The following FHIT variants were observed in gnomAD, a reference collection of about 807,000 sequenced individuals.
The protein encoded by FHIT is fragile histidine triad diadenosine triphosphatase.
FHIT carries 19 observed loss-of-function variants against 17.9 expected under a neutral mutation model. The ratio of observed to expected loss-of-function variants is 1.06; its 90% CI spans 0.74 to 1.56. The LOEUF (loss-of-function observed/expected upper bound fraction) is 1.56, where lower values mean the gene tolerates loss of function less well. FHIT is among the 40% of genes most tolerant of loss of function. The pLI is 0.00. For missense variants in FHIT, 248 were observed against 189.2 expected (o/e 1.31, Z -1.82); for synonymous variants, 81 against 69.7 (o/e 1.16, Z -0.81).
intron 5 of FHIT, among the ~76,000 whole-genome samples, chr3:60,014,875 G>T (rs190198016): frequency 6.6e-6 from 1 of 152,052 alleles, no homozygotes; most frequent in Admixed American, 6.6e-5. Context: ...ACAAGGCAAC[G>T]TATTTACACT....
At chr3:61,011,960 G>C (rs538594986) in intron 3 of FHIT, among the ~76,000 whole-genome samples, 3 of 152,292 alleles carry the variant, frequency 2.0e-5, no homozygotes, top group Non-Finnish European at 4.4e-5. Flanking sequence ...CAAGTTGAAA[G>C]AAAGTAGGCC....
intron 2 of FHIT, among the ~76,000 whole-genome samples, chr3:61,061,396 A>C (rs7651100): frequency 0.18 from 26,791 of 151,916 alleles, 2,680 homozygotes; most frequent in Middle Eastern, 0.34. Flanking sequence ...TCACTTTTTA[A>C]ATATATATAT....
chr3:60,695,816 T>G (rs2041101687), intron 4 of FHIT, among the ~76,000 whole-genome samples: 1 of 152,176 alleles, frequency 6.6e-6, no homozygotes, highest in African/African-American at 2.4e-5. Context: ...TTCCCTCACC[T>G]ACAAAATGGA....
At chr3:61,092,837 G>A (rs1257658430) in intron 2 of FHIT, among the ~76,000 whole-genome samples, 6 of 152,216 alleles carry the variant, frequency 3.9e-5, no homozygotes, top group Admixed American at 2.0e-4. Flanking sequence ...AAGCAAGAAT[G>A]TAAGAATAAT....
intron 5 of FHIT, among the ~76,000 whole-genome samples, chr3:60,453,356 T>G (rs1033254319): frequency 3.3e-5 from 5 of 152,176 alleles, no homozygotes; most frequent in Non-Finnish European, 7.4e-5. Context: ...TCTTCACTTT[T>G]AAGCTCTTAA....
At chr3:61,069,891 T>C (rs2034743994) in intron 2 of FHIT, among the ~76,000 whole-genome samples, 2 of 152,142 alleles carry the variant, frequency 1.3e-5, no homozygotes, top group Admixed American at 6.6e-5. Context: ...ATAAGCAGGA[T>C]GGGGAACCAC....
chr3:60,355,891 G>A (rs762552812), intron 5 of FHIT, among the ~76,000 whole-genome samples: 2 of 152,036 alleles, frequency 1.3e-5, no homozygotes, highest in African/African-American at 4.8e-5. Flanking sequence ...AGTGAAAATT[G>A]TTCCTTATCT....
chr3:59,921,633 T>C (rs1377834415), intron 8 of FHIT, among the ~76,000 whole-genome samples: 1 of 146,212 alleles, frequency 6.8e-6, no homozygotes, highest in East Asian at 2.0e-4. Flanking sequence ...CCTCTTTGGC[T>C]ACAATAAACA....
intron 8 of FHIT, among the ~76,000 whole-genome samples, chr3:59,802,439 AAAG>A (rs1700033910): frequency 6.6e-6 from 1 of 152,148 alleles, no homozygotes; most frequent in Non-Finnish European, 1.5e-5. Flanking sequence ...AAGAATCACA[AAAG>A]AAGTGAAAAT....
At chr3:60,390,406 A>C (rs368240704) in intron 5 of FHIT, among the ~76,000 whole-genome samples, 14,529 of 114,186 alleles carry the variant, frequency 0.13, 1,355 homozygotes, top group East Asian at 0.22. Flanking sequence ...TAAAAAAAAA[A>C]AAAAAAAAAA....
chr3:59,865,271 T>G (rs1020030135), intron 8 of FHIT, among the ~76,000 whole-genome samples: 2 of 150,430 alleles, frequency 1.3e-5, no homozygotes, highest in Non-Finnish European at 3.0e-5. Context: ...AATACCAGTC[T>G]TTTAAACCAT....
At chr3:60,137,197 G>A (rs1699851449) in intron 5 of FHIT, among the ~76,000 whole-genome samples, 2 of 152,144 alleles carry the variant, frequency 1.3e-5, no homozygotes, top group Non-Finnish European at 2.9e-5. Context: ...CCTCCCTAGA[G>A]CGGAATGGTT....
intron 5 of FHIT, among the ~76,000 whole-genome samples, chr3:60,236,751 A>G (rs898094791): frequency 3.3e-5 from 5 of 152,138 alleles, no homozygotes; most frequent in African/African-American, 1.2e-4. Context: ...TCTCACTGTA[A>G]AAAATTCAAA....
intron 5 of FHIT, among the ~76,000 whole-genome samples, chr3:60,212,707 G>C (rs1874500): frequency 0.23 from 34,572 of 151,996 alleles, 5,016 homozygotes; most frequent in African/African-American, 0.41. Context: ...TGGTTTGCAA[G>C]GCATATGAAA....
chr3:59,895,807 C>T (rs989106753), intron 8 of FHIT, among the ~76,000 whole-genome samples: 2 of 152,220 alleles, frequency 1.3e-5, no homozygotes, highest in Admixed American at 6.5e-5. Flanking sequence ...GTGTTTAAAA[C>T]TTGCTAACAT....
At chr3:59,890,575 C>G (rs1429912557) in intron 8 of FHIT, among the ~76,000 whole-genome samples, 1 of 152,122 alleles carries the variant, frequency 6.6e-6, no homozygotes, top group Non-Finnish European at 1.5e-5. Context: ...AAATGGGAAC[C>G]CGCTTAACTA....
chr3:60,212,818 A>C (rs959772365), intron 5 of FHIT, among the ~76,000 whole-genome samples: 1 of 152,192 alleles, frequency 6.6e-6, no homozygotes, highest in Non-Finnish European at 1.5e-5. Flanking sequence ...TAGACAAAGA[A>C]AAAGGACATG....
At chr3:61,159,632 C>T (rs2037630740) in intron 2 of FHIT, among the ~76,000 whole-genome samples, 1 of 152,186 alleles carries the variant, frequency 6.6e-6, no homozygotes, top group Non-Finnish European at 1.5e-5. Flanking sequence ...TAAATGTTTA[C>T]TTTGCTAATT....
chr3:59,847,400 A>T (rs771574589), intron 8 of FHIT, among the ~76,000 whole-genome samples: 7 of 151,846 alleles, frequency 4.6e-5, no homozygotes, highest in Admixed American at 3.9e-4. Flanking sequence ...CAGTCATTAT[A>T]TTTTTCAGCT....
Sources: allele counts gnomAD v4.1 joint callset (sites outside exome capture counted in the v4.1 genomes callset), GRCh38; gene constraint gnomAD v4.1.1; transcripts MANE v1.5; gene names NCBI Gene and HGNC (gene_info 2026-07-23, HGNC 2026-07-21).